Variants in ADAM23 observed in about 807,000 individuals in gnomAD.
ADAM23 encodes the protein ADAM metallopeptidase domain 23, also known as disintegrin and metalloproteinase domain-containing protein 23.
A neutral mutation model predicts 120.1 loss-of-function variants in ADAM23; 33 were observed. That is an observed-to-expected ratio of 0.27 (90% CI 0.21 to 0.37). ADAM23 has a LOEUF of 0.37. Ranked by LOEUF, ADAM23 falls within the 10% of genes least tolerant of loss-of-function variation. ADAM23 has a pLI of 1.00. For synonymous variants in ADAM23, 367 were observed against 375.2 expected, an observed-to-expected ratio of 0.98 and a Z score of 0.25; for missense variants, 862 against 1,058.2, an observed-to-expected ratio of 0.81 and a Z score of 2.57.
chr2:206,450,386 A>G (rs981868186), intron 2 of ADAM23, among the ~76,000 whole-genome samples: 2 of 152,208 alleles, frequency 1.3e-5, no homozygotes, highest in African/African-American at 4.8e-5. Flanking sequence ...TATAGAATTC[A>G]GGCTTGTAAT....
At chr2:206,517,331 G>C (rs1285243955) in intron 3 of ADAM23, among the ~76,000 whole-genome samples, 1 of 152,144 alleles carries the variant, frequency 6.6e-6, no homozygotes, top group Non-Finnish European at 1.5e-5. Context: ...TGCTACCTCA[G>C]ACCCCTCATT....
At position 206,615,196 on chromosome 2, in the gene ADAM23, G is replaced by A. The variant is rs560982860; in HGVS notation, c.2451-2383G>A. Among the ~76,000 whole-genome samples the A allele has an allele frequency of 2.0e-5, 3 of 151,942 alleles. No individual in the cohort carries two copies. The East Asian group carries it at 5.8e-4, about 29-fold the overall frequency. ...AGATGTTATGTGTATAATGTATATT[G>A]TAGACAAAAGTCCAGATTATTTCAG... On this transcript the variant is annotated intron_variant, in intron 25 of 25. Transcript: ENST00000264377.
chr2:206,565,153 G>A (rs969869534), intron 14 of ADAM23, 85 bp downstream of exon 14: 83 of 1,199,418 alleles, frequency 6.9e-5, no homozygotes, highest in Non-Finnish European at 9.3e-5. Context: ...CTCGGGTATT[G>A]GTCTTTTAGG....
intron 3 of ADAM23, among the ~76,000 whole-genome samples, chr2:206,488,957 A>T (rs527330185): frequency 3.6e-4 from 55 of 152,300 alleles, no homozygotes; most frequent in African/African-American, 1.3e-3. Flanking sequence ...ACAGAAGGCA[A>T]ACTGCCTGGT....
rs559144053 is a variant in ADAM23, at chr2:206,614,326, C to A, written c.2451-3253C>A. Among the ~76,000 whole-genome samples the A allele has an allele frequency of 9.9e-5, 15 of 152,198 alleles. No homozygotes were observed. In the South Asian group the frequency reaches 3.1e-3, roughly 32 times the overall value. ...AAAGAAAAGGCTGTTTATGTACTCACACAAAATGAAAAAGAGCTATATCTA... is the reference window on the plus strand; with the variant it reads ...AAAGAAAAGGCTGTTTATGTACTCAAACAAAATGAAAAAGAGCTATATCTA... On this transcript the variant is annotated intron_variant, in intron 25 of 25. Coordinates refer to ENST00000264377, the MANE Select transcript of ADAM23 (RefSeq NM_003812.4).
intron 4 of ADAM23, 75 bp from the exon 5 acceptor site, chr2:206,541,974 CTTT>C (rs1284110937): frequency 6.9e-7 from 1 of 1,440,412 alleles, no homozygotes; most frequent in Non-Finnish European, 9.8e-7. Context: ...CCTTGCATTT[CTTT>C]TTGCTTTATG....
At chr2:206,461,091 C>G (rs906059395) in intron 2 of ADAM23, among the ~76,000 whole-genome samples, 5 of 134,040 alleles carry the variant, frequency 3.7e-5, no homozygotes, top group African/African-American at 1.1e-4. Flanking sequence ...GAGATGGAGT[C>G]TCCCTCTGTT....
chr2:206,486,324 A>G (rs554615941), intron 3 of ADAM23, among the ~76,000 whole-genome samples: 4 of 149,426 alleles, frequency 2.7e-5, no homozygotes, highest in South Asian at 4.2e-4. Flanking sequence ...CACTAGGGTA[A>G]CGTTTCTTGT....
Position 206,570,722 on chromosome 2 carries a change from T to C in ADAM23, c.1495-18T>C. 1.2e-6 allele frequency: 2 copies of C among 1,608,722 alleles called. No individual in the cohort carries two copies. The highest frequency in any genetic ancestry group is 1.7e-6 in the Non-Finnish European group (2 of 1,175,254). On this transcript the variant is annotated intron_variant, in intron 15 of 25. Transcript: ENST00000264377. ...GATAAATTGAAACATTTTTCCCTTC[T>C]GTCCCTAATCTCTTTAGCTATTTGA...
intron 14 of ADAM23, among the ~76,000 whole-genome samples, chr2:206,566,885 T>C (rs976389406): frequency 6.6e-6 from 1 of 151,870 alleles, no homozygotes; most frequent in African/African-American, 2.4e-5. Context: ...TAATGAGATA[T>C]AGCAAATAAA....
At chr2:206,476,290 A>G (rs1695773824) in intron 2 of ADAM23, among the ~76,000 whole-genome samples, 1 of 152,184 alleles carries the variant, frequency 6.6e-6, no homozygotes, top group Admixed American at 6.5e-5. Context: ...AATAAACTGA[A>G]TATATCTTAA....
At chr2:206,508,655 CAAAAA>C (rs34489352) in intron 3 of ADAM23, among the ~76,000 whole-genome samples, 2 of 100,926 alleles carry the variant, frequency 2.0e-5, no homozygotes, top group African/African-American at 3.9e-5. Context: ...ACTCTGTCTC[CAAAAA>C]AAAAAAAAAA....
intron 18 of ADAM23, among the ~76,000 whole-genome samples, chr2:206,577,409 C>G (rs1171847448): frequency 2.6e-5 from 3 of 115,530 alleles, no homozygotes; most frequent in Non-Finnish European, 3.5e-5. Flanking sequence ...CTATCCCTCC[C>G]CCCTCCCCCC....
chr2:206,570,657 G>A (rs1308760441), intron 15 of ADAM23, 83 bp from the exon 16 acceptor site: 3 of 1,017,044 alleles, frequency 2.9e-6, no homozygotes, highest in Non-Finnish European at 4.6e-6. Flanking sequence ...CTGATTATAC[G>A]GCCATTGTAT....
At chr2:206,540,275 C>T (rs1697264573) in intron 4 of ADAM23, among the ~76,000 whole-genome samples, 1 of 141,688 alleles carries the variant, frequency 7.1e-6, no homozygotes, top group South Asian at 2.2e-4. Flanking sequence ...ACACAGTTGT[C>T]CTTGAACTGC....
At chr2:206,499,967 G>A (rs993375744) in intron 3 of ADAM23, among the ~76,000 whole-genome samples, 4 of 152,072 alleles carry the variant, frequency 2.6e-5, no homozygotes, top group Non-Finnish European at 5.9e-5. Flanking sequence ...ACCCAGCACC[G>A]TGAACAACAC....
In ADAM23 at chr2:206,589,477, G is replaced by A. The variant is rs748104881; in HGVS notation, c.1921G>A (p.Gly641Arg). ...NTEGTEKGNC[G>R]KDGDRWIQCS... ...AGAAGGCACTGAGAAGGGAAACTGC[G>A]GGAAGGATGGAGACCGGTGGATTCA... The change falls in exon 21 of 26, where the codon GGG becomes AGG. Residue 641 changes from glycine to arginine, a missense_variant. Physicochemically the swap from Gly to Arg is moderately radical, Grantham distance 125. Around this residue, in one of 4 missense-constraint regions of ADAM23, gnomAD observed 617 missense variants for 813.5 expected, o/e 0.76. Transcript: ENST00000264377. The A allele has an allele frequency of 3.7e-6, 6 of 1,613,678 alleles. No individual in the cohort carries two copies. The highest frequency in any genetic ancestry group is 2.7e-5 in the African/African-American group (2 of 74,912).
intron 2 of ADAM23, among the ~76,000 whole-genome samples, chr2:206,464,201 C>G (rs532529409): frequency 6.6e-6 from 1 of 152,264 alleles, no homozygotes; most frequent in Admixed American, 6.5e-5. Context: ...ACGAAACTTC[C>G]CATTTTTGTT....
intron 3 of ADAM23, among the ~76,000 whole-genome samples, chr2:206,490,700 T>C (rs1696115688): frequency 1.3e-5 from 2 of 152,150 alleles, no homozygotes; most frequent in Admixed American, 1.3e-4. Flanking sequence ...CTATGGATTT[T>C]TCTCTCCTGA....
Sources: gnomAD v4.1 joint callset for allele counts (sites outside exome capture counted in the v4.1 genomes callset) on GRCh38, gnomAD v4.1.1 for gene constraint, gnomAD v4.1.1 regional missense constraint, MANE v1.5 for transcripts, NCBI Gene and HGNC (gene_info 2026-07-23, HGNC 2026-07-21) for gene names.